NUMBL: variants seen among roughly 807,000 people sequenced by gnomAD.
The protein encoded by NUMBL is numb-like protein.
In NUMBL, 20 loss-of-function variants were observed where a neutral mutation model predicts 48.9. The observed-to-expected ratio is 0.41, with a 90% CI of 0.29 to 0.59. The LOEUF (loss-of-function observed/expected upper bound fraction) is 0.59. Ranked by LOEUF, NUMBL falls within the 20% of genes least tolerant of loss-of-function variation. NUMBL has a pLI of 0.31. For missense variants in NUMBL, 660 were observed against 846.2 expected, an observed-to-expected ratio of 0.78 and a Z score of 2.73; for synonymous variants, 340 against 348.7, an observed-to-expected ratio of 0.98 and a Z score of 0.28.
At chr19:40,680,762 T>C (rs966396010) in intron 6 of NUMBL, among the ~76,000 whole-genome samples, 155 bp downstream of exon 6, 4 of 152,118 alleles carry the variant, frequency 2.6e-5, no homozygotes, top group African/African-American at 9.7e-5. Context: ...ACGTGAATAC[T>C]CTAAATTGGG....
At chr19:40,670,120 G>C (rs977515458) in intron 8 of NUMBL, 100 bp from the exon 9 acceptor site, 4 of 1,433,996 alleles carry the variant, frequency 2.8e-6, no homozygotes, top group African/African-American at 1.4e-5. Flanking sequence ...TTCTGACCTG[G>C]ATCCTTTCCC....
Position 40,682,814 on chromosome 19 carries a change from C to G in NUMBL, c.325-12G>C. The G allele has an allele frequency of 6.2e-7, 1 of 1,614,142 alleles. No individual in the cohort carries two copies. Among genetic ancestry groups the G allele is most frequent in the Non-Finnish European group, 8.5e-7 (1 of 1,180,006 alleles). ...GACTTTCGGCCCATCTGGAGGGAGG[C>G]AAGGGGACAAAGGAGCCGGGTCAGG... On this transcript the variant is annotated splice_polypyrimidine_tract_variant and intron_variant, in intron 4 of 9. Coordinates refer to ENST00000252891, the MANE Select transcript of NUMBL (RefSeq NM_004756.5). This position sits in a 1 kb window ranked among gnomAD's most constrained non-coding sequence, Gnocchi z 4.0.
chr19:40,669,373 A>T (rs1905853311), intron 9 of NUMBL, among the ~76,000 whole-genome samples: 1 of 152,002 alleles, frequency 6.6e-6, no homozygotes, highest in African/African-American at 2.4e-5. Context: ...AGATAATTCC[A>T]TGGCTCTAAG....
Position 40,667,454 on chromosome 19 carries a change from T to G in NUMBL, c.*14A>C. 6.2e-7 allele frequency: 1 copy of G among 1,600,042 alleles called. No individual in the cohort carries two copies. Among genetic ancestry groups the G allele is most frequent in the Non-Finnish European group, 8.5e-7 (1 of 1,174,322 alleles). On this transcript the variant is annotated 3_prime_UTR_variant, in exon 10 of 10. Coordinates refer to ENST00000252891, the MANE Select transcript of NUMBL (RefSeq NM_004756.5). This position sits in a 1 kb window ranked among gnomAD's most constrained non-coding sequence, Gnocchi z 6.1. Reference sequence around the variant, plus strand: ...GGGCACCTGGAGATGATGGAGTGGGTGGGGCGGCTCGGGCTACAGTTCAAT... The same window carrying G: ...GGGCACCTGGAGATGATGGAGTGGGGGGGGCGGCTCGGGCTACAGTTCAAT...
chr19:40,681,606 A>G (rs1342019396), intron 5 of NUMBL, among the ~76,000 whole-genome samples: 2 of 152,274 alleles, frequency 1.3e-5, no homozygotes, highest in South Asian at 2.1e-4. Flanking sequence ...CAGGGTGACA[A>G]TAAACACTTA....
At chr19:40,671,716 T>A (rs1462259508) in intron 8 of NUMBL, among the ~76,000 whole-genome samples, 1 of 152,088 alleles carries the variant, frequency 6.6e-6, no homozygotes, top group Non-Finnish European at 1.5e-5. Flanking sequence ...CCCGAGGACA[T>A]AACGGGTAGG....
rs766139947 is a variant in NUMBL at position 40,680,186 on chromosome 19, C to CACCAGTGCACCAGGCTGG, written c.540+730_540+731insCCAGCCTGGTGCACTGGT. ...TCGCTCTGTCACCCAGGCTGGAGTGCAGTGGTGCAGTCTTGGCTCACTGCA... is the reference window on the plus strand; with the variant it reads ...TCGCTCTGTCACCCAGGCTGGAGTGCACCAGTGCACCAGGCTGGAGTGGTGCAGTCTTGGCTCACTGCA... On this transcript the variant is annotated intron_variant, in intron 6 of 9. Transcript: ENST00000252891. Among the ~76,000 whole-genome samples the CACCAGTGCACCAGGCTGG allele has an allele frequency of 3.1e-3, 472 of 151,792 alleles. 3 individuals are homozygous for CACCAGTGCACCAGGCTGG. The highest frequency in any genetic ancestry group is 0.01 in the East Asian group (53 of 5,162).
At position 40,668,041 on chromosome 19, in the gene NUMBL, C is replaced by T. The variant is rs1281271985; in HGVS notation, c.1257G>A (p.Glu419=). The part of the protein sequence containing the change: ...TPSEAERWLE[E]VSQVAKAQQQ... ...GCTGGGCCTTGGCCACCTGTGACAC[C>T]TCCTCCAGCCATCGCTCAGCCTCTG... The change falls in exon 10 of 10, where the codon GAG becomes GAA. Residue 419 remains glutamate, a synonymous_variant. Transcript: ENST00000252891. The T allele has an allele frequency of 6.3e-7, 1 of 1,581,470 alleles. No individual in the cohort carries two copies. The highest frequency in any genetic ancestry group is 8.6e-7 in the Non-Finnish European group (1 of 1,164,214).
intron 1 of NUMBL, 41 bp downstream of exon 1, chr19:40,690,419 C>A: frequency 8.6e-7 from 1 of 1,168,036 alleles, no homozygotes; most frequent in Non-Finnish European, 1.1e-6. Flanking sequence ...TCAGCAGCGG[C>A]GCCGCCCCCG....
intron 6 of NUMBL, among the ~76,000 whole-genome samples, chr19:40,677,776 AG>A (rs1313739546): frequency 6.6e-6 from 1 of 152,146 alleles, no homozygotes; most frequent in Non-Finnish European, 1.5e-5. Context: ...TGAGCCCAGG[AG>A]GTCAAGGCTG....
chr19:40,682,743 C>T lies in NUMBL; in HGVS notation c.384G>A (p.Val128=), dbSNP rs78837901. 7 of 1,614,118 alleles carry T rather than the reference C, an allele frequency of 4.3e-6. No homozygotes were observed. Among genetic ancestry groups the T allele is most frequent in the Non-Finnish European group, 5.9e-6 (7 of 1,180,006 alleles). ...GGCCTCCTACCTTGGTTTTGTCGTCCACCACTCGGAGCCCATCGGCTGACA... is the reference window on the plus strand; with the variant it reads ...GGCCTCCTACCTTGGTTTTGTCGTCTACCACTCGGAGCCCATCGGCTGACA... ...LWVSADGLRV[V]DDKTKDLLVD... The change falls in exon 5 of 10, where the codon GTG becomes GTA. Residue 128 remains valine (V), a synonymous_variant. Coordinates refer to ENST00000252891, the MANE Select transcript of NUMBL (RefSeq NM_004756.5). This position sits in a 1 kb window ranked among gnomAD's most constrained non-coding sequence, Gnocchi z 4.0.
In NUMBL at chr19:40,688,632, A is replaced by G. The variant is rs1306591718; in HGVS notation, c.25-1637T>C. 6.6e-6 allele frequency among the ~76,000 whole-genome samples: 1 copy of G among 152,206 alleles called. No homozygotes were observed. Among genetic ancestry groups the G allele is most frequent in the Non-Finnish European group, 1.5e-5 (1 of 68,040 alleles). On this transcript the variant is annotated intron_variant, in intron 1 of 9. Transcript: ENST00000252891. This position sits in a 1 kb window ranked among gnomAD's most constrained non-coding sequence, Gnocchi z 4.6. ...GATGATGACATAGACACAGACATCTATAGTCACCCAGGGTCAGACATGCAG... is the reference window on the plus strand; with the variant it reads ...GATGATGACATAGACACAGACATCTGTAGTCACCCAGGGTCAGACATGCAG...
intron 6 of NUMBL, among the ~76,000 whole-genome samples, chr19:40,678,457 C>T (rs908547734): frequency 2.3e-4 from 35 of 152,068 alleles, no homozygotes; most frequent in Non-Finnish European, 4.0e-4. Flanking sequence ...GCCACCATGC[C>T]CGGCCGGGAT....
At position 40,673,592 on chromosome 19, in the gene NUMBL, G is replaced by T; in HGVS notation, c.788C>A (p.Ser263Tyr). The T allele has an allele frequency of 6.5e-7, 1 of 1,536,498 alleles. No individual in the cohort carries two copies. The highest frequency in any genetic ancestry group is 8.8e-7 in the Non-Finnish European group (1 of 1,137,438). ...AGGGGATGTGGTGGCTGGTGTCGGGGACACGTGCCCAGGCTGGGCAGGGCC... is the reference window on the plus strand; with the variant it reads ...AGGGGATGTGGTGGCTGGTGTCGGGTACACGTGCCCAGGCTGGGCAGGGCC... Reference protein sequence around the residue: ...APGPAQPGHVSPTPATTSPGE... With the variant: ...APGPAQPGHVYPTPATTSPGE... The change falls in exon 8 of 10, where the codon TCC becomes TAC. Residue 263 changes from serine to tyrosine, a missense_variant. Physicochemically the swap from Ser to Tyr is moderately radical, Grantham distance 144. This residue lies in a region of NUMBL where 278 missense variants were observed against 420.6 expected (regional missense o/e 0.66). Coordinates refer to ENST00000252891, the MANE Select transcript of NUMBL (RefSeq NM_004756.5). The surrounding 1 kb of genome is among the most constrained non-coding windows in gnomAD (Gnocchi z 5.9).
At chr19:40,684,225 C>G in intron 3 of NUMBL, 192 bp downstream of exon 3, 1 of 600,314 alleles carries the variant, frequency 1.7e-6, no homozygotes, top group South Asian at 2.0e-5. Context: ...CCCGCCACCA[C>G]GCGAGGCTAA....
Position 40,682,986 on chromosome 19 carries a change from G to GGT in NUMBL, c.250-19_250-18insAC. The GGT allele has an allele frequency of 9.1e-7, 1 of 1,095,646 alleles. No individual in the cohort carries two copies. Among genetic ancestry groups the GGT allele is most frequent in the South Asian group, 1.6e-5 (1 of 63,110 alleles). The allele number at this position is 1,095,646 out of a possible 1,614,324, so 67.9% of individuals were successfully genotyped here. A position where few individuals can be genotyped will look rare whatever the true frequency, so the allele number is the denominator to read the frequency against. ...CCCAGGTACTTGGGTTGGAGGGAATGGGGGGGGGGACATGAAACAGCACAG... is the reference window on the plus strand; with the variant it reads ...CCCAGGTACTTGGGTTGGAGGGAATGGTGGGGGGGGGACATGAAACAGCACAG... On this transcript the variant is annotated intron_variant, in intron 3 of 9. Coordinates refer to ENST00000252891, the MANE Select transcript of NUMBL (RefSeq NM_004756.5). This position sits in a 1 kb window ranked among gnomAD's most constrained non-coding sequence, Gnocchi z 4.0.
In NUMBL at chr19:40,682,650, C is replaced by A. The variant is rs530481970; in HGVS notation, c.399+78G>T. On this transcript the variant is annotated intron_variant, in intron 5 of 9. Transcript: ENST00000252891. The surrounding 1 kb of genome is among the most constrained non-coding windows in gnomAD (Gnocchi z 4.0). Reference sequence around the variant, plus strand: ...CTGAGGGAGGGATGTGCAGAGGAGGCGGGAAGGTGTCCTCCGCCCTGATTC... The same window carrying A: ...CTGAGGGAGGGATGTGCAGAGGAGGAGGGAAGGTGTCCTCCGCCCTGATTC... 1 of 1,372,140 alleles carries A rather than the reference C, an allele frequency of 7.3e-7. No homozygotes were observed. The highest frequency in any genetic ancestry group is 1.3e-5 in the South Asian group (1 of 79,540). 85.0% of individuals were successfully genotyped at this position (1,372,140 alleles called of 1,614,324 possible).
intron 3 of NUMBL, 117 bp downstream of exon 3, chr19:40,684,300 T>G: frequency 8.4e-7 from 1 of 1,186,224 alleles, no homozygotes; most frequent in Admixed American, 2.5e-5. Flanking sequence ...CCTCACGCTT[T>G]TTAACACCAA....
chr19:40,685,009 G>T, intron 2 of NUMBL: 1 of 173,478 alleles, frequency 5.8e-6, no homozygotes. Flanking sequence ...GTCAGGCAGT[G>T]GGGTGATCAG....
Sources: gnomAD v4.1 joint callset for allele counts (sites outside exome capture counted in the v4.1 genomes callset) on GRCh38, gnomAD v4.1.1 for gene constraint, gnomAD v4.1.1 regional missense constraint, Gnocchi (gnomAD v3.1) non-coding constraint, MANE v1.5 for transcripts, NCBI Gene and HGNC (gene_info 2026-07-23, HGNC 2026-07-21) for gene names.